PUDP: variants seen among roughly 807,000 people sequenced by gnomAD.
PUDP encodes pseudouridine 5'-phosphatase.
PUDP carries 8 observed loss-of-function variants against 9.4 expected under a neutral mutation model. That is an observed-to-expected ratio of 0.85 (90% CI 0.50 to 1.53). The LOEUF is 1.53. Ranked by LOEUF, PUDP falls within the 40% of genes most tolerant of loss-of-function variation. The pLI, the probability that PUDP is intolerant of heterozygous loss-of-function variation, is 0.00. For missense variants in PUDP, 188 were observed against 189.7 expected (o/e 0.99, Z 0.05); for synonymous variants, 99 against 80.7 (o/e 1.23, Z -1.22).
At chrX:6,791,758 T>C (rs1243036976) in intron 3 of PUDP, among the ~76,000 whole-genome samples, 1 of 112,099 alleles carries the variant, frequency 8.9e-6, no homozygotes, top group South Asian at 3.7e-4. Context: ...CTTCCAGGAC[T>C]GTAAGTTAAT....
chrX:7,038,019 T>C (rs1271520476), intron 1 of PUDP, among the ~76,000 whole-genome samples: 6 of 112,538 alleles, frequency 5.3e-5, no homozygotes, highest in African/African-American at 1.9e-4. Context: ...GAATGATGTA[T>C]ATAGCCATCA....
chrX:7,142,942 T>G (rs1932811083), intron 1 of PUDP, among the ~76,000 whole-genome samples: 1 of 111,249 alleles, frequency 9.0e-6, no homozygotes, highest in Non-Finnish European at 1.9e-5. Flanking sequence ...TGAGCCACCA[T>G]GCCTCGCCAA....
At chrX:6,996,420 T>C (rs1929250609) in intron 1 of PUDP, among the ~76,000 whole-genome samples, 1 of 110,645 alleles carries the variant, frequency 9.0e-6, no homozygotes, top group South Asian at 3.9e-4. Context: ...TTCCAACACA[T>C]AGCTTGTCAG....
intron 3 of PUDP, among the ~76,000 whole-genome samples, chrX:6,873,612 T>G (rs1464709652): frequency 8.9e-6 from 1 of 112,090 alleles, no homozygotes; most frequent in African/African-American, 3.2e-5. Context: ...ATATCCTATG[T>G]ACTTTAAAAG....
chrX:6,767,258 A>T (rs1218103857), intron 3 of PUDP, among the ~76,000 whole-genome samples: 2 of 112,799 alleles, frequency 1.8e-5, no homozygotes, highest in African/African-American at 6.4e-5. Context: ...GTCCATTGCT[A>T]ACAAAAGGAG....
At chrX:6,959,309 T>TACTC (rs1928674063) in intron 3 of PUDP, among the ~76,000 whole-genome samples, 2 of 111,255 alleles carry the variant, frequency 1.8e-5, no homozygotes, top group Admixed American at 9.5e-5. Context: ...GGGACCACAG[T>TACTC]ACTCACTGCC....
At chrX:7,122,221 G>A (rs1259549825) in intron 1 of PUDP, among the ~76,000 whole-genome samples, 8 of 91,355 alleles carry the variant, frequency 8.8e-5, no homozygotes, top group Admixed American at 2.2e-4. Context: ...ATATATGTGT[G>A]TGTGTGTGTG....
At chrX:7,115,507 G>A (rs1932169458) in intron 1 of PUDP, among the ~76,000 whole-genome samples, 1 of 112,414 alleles carries the variant, frequency 8.9e-6, no homozygotes, top group African/African-American at 3.2e-5. Flanking sequence ...TCAGTAAGTA[G>A]CACAGCAATC....
At chrX:7,072,226 G>A (rs1401401968) in intron 3 of PUDP, among the ~76,000 whole-genome samples, 1 of 111,326 alleles carries the variant, frequency 9.0e-6, no homozygotes, top group African/African-American at 3.3e-5. Context: ...AGGTTTCCAC[G>A]AAAAAGAGTA....
chrX:6,724,373 T>C (rs543538538), upstream of PUDP, among the ~76,000 whole-genome samples: 1 of 110,757 alleles, frequency 9.0e-6, no homozygotes, highest in South Asian at 3.8e-4. Flanking sequence ...ATAAAACTTA[T>C]GAATTGCTGC....
intron 1 of PUDP, among the ~76,000 whole-genome samples, chrX:7,107,851 G>A (rs1254413034): frequency 2.7e-5 from 3 of 112,356 alleles, no homozygotes; most frequent in Non-Finnish European, 5.6e-5. Context: ...AGTTAGGGCA[G>A]GTTTTAACTC....
At chrX:6,722,135 A>T (rs1178001851), upstream of PUDP, among the ~76,000 whole-genome samples, 8 of 111,221 alleles carry the variant, frequency 7.2e-5, no homozygotes, top group Non-Finnish European at 1.5e-4. Context: ...AAAGAATTAA[A>T]AATCTGGTGG....
chrX:6,903,055 A>G (rs773939201), intron 3 of PUDP, among the ~76,000 whole-genome samples: 34 of 111,771 alleles, frequency 3.0e-4, no homozygotes, highest in African/African-American at 1.1e-3. Context: ...CTTGAGAATC[A>G]CTGCTCTAAA....
intron 3 of PUDP, among the ~76,000 whole-genome samples, chrX:6,901,191 G>T (rs1927680077): frequency 8.9e-6 from 1 of 111,907 alleles, no homozygotes; most frequent in Non-Finnish European, 1.9e-5. Flanking sequence ...CAGTCTGTCT[G>T]TGTCTCATAG....
intron 1 of PUDP, among the ~76,000 whole-genome samples, chrX:7,110,047 G>A (rs1001750951): frequency 7.1e-5 from 8 of 112,558 alleles, no homozygotes; most frequent in African/African-American, 2.3e-4. Flanking sequence ...GGCAGCATGG[G>A]GAGGGGGAGA....
chrX:7,061,178 C>G (rs1930390596), intron 3 of PUDP, among the ~76,000 whole-genome samples: 1 of 111,411 alleles, frequency 9.0e-6, no homozygotes, highest in Admixed American at 9.5e-5. Flanking sequence ...GCTACTGACA[C>G]AGTACTTGTC....
At chrX:6,833,402 TG>T (rs1218698521) in intron 3 of PUDP, among the ~76,000 whole-genome samples, 1 of 110,512 alleles carries the variant, frequency 9.0e-6, no homozygotes, top group Non-Finnish European at 1.9e-5. Flanking sequence ...GGTGGATAAA[TG>T]GATGGATGGA....
chrX:6,740,886 C>T (rs370450972), intron 3 of PUDP, among the ~76,000 whole-genome samples: 3 of 111,971 alleles, frequency 2.7e-5, no homozygotes, highest in Admixed American at 1.9e-4. Context: ...AGGCCAGGTG[C>T]GGTGGCTCAC....
intron 3 of PUDP, among the ~76,000 whole-genome samples, chrX:6,928,247 T>C (rs1024695028): frequency 6.3e-5 from 7 of 111,542 alleles, no homozygotes; most frequent in Admixed American, 5.7e-4. Flanking sequence ...TTGGTCTTCT[T>C]TTCTGTTATA....
Sources: allele counts gnomAD v4.1 joint callset (sites outside exome capture counted in the v4.1 genomes callset), GRCh38; gene constraint gnomAD v4.1.1; transcripts MANE v1.5; gene names NCBI Gene and HGNC (gene_info 2026-07-23, HGNC 2026-07-21).